VOPP1: variants seen among roughly 807,000 people sequenced by gnomAD.
VOPP1 encodes the protein VOPP1 WW domain binding protein.
Under a neutral mutation model 23.5 loss-of-function variants are expected in VOPP1, and 8 were observed. The ratio of observed to expected loss-of-function variants is 0.34; its 90% CI spans 0.20 to 0.61. VOPP1 has a LOEUF of 0.61. Ranked by LOEUF, VOPP1 falls within the 20% of genes least tolerant of loss-of-function variation. VOPP1 has a pLI of 0.78. For missense variants in VOPP1, 174 were observed against 238.1 expected (o/e 0.73, Z 1.77); for synonymous variants, 83 against 97.3 (o/e 0.85, Z 0.86).
intron 4 of VOPP1, among the ~76,000 whole-genome samples, chr7:55,452,104 A>G (rs1045942702): frequency 6.6e-6 from 1 of 152,210 alleles, no homozygotes; most frequent in African/African-American, 2.4e-5. Flanking sequence ...CCACTACTTT[A>G]CCAACTAAGT....
chr7:55,485,340 A>G (rs1286291835), intron 4 of VOPP1, among the ~76,000 whole-genome samples: 1 of 152,222 alleles, frequency 6.6e-6, no homozygotes, highest in Admixed American at 6.5e-5. Flanking sequence ...ACATCCTTCA[A>G]AAGTATTTTC....
intron 1 of VOPP1, among the ~76,000 whole-genome samples, chr7:55,562,909 C>G (rs1798035849): frequency 6.6e-6 from 1 of 152,188 alleles, no homozygotes. Context: ...GAAAGATGAC[C>G]TAATTGTAGA....
At chr7:55,567,470 A>G (rs757728023) in intron 1 of VOPP1, among the ~76,000 whole-genome samples, 4 of 152,226 alleles carry the variant, frequency 2.6e-5, no homozygotes, top group Non-Finnish European at 5.9e-5. Context: ...TGATAGAGTG[A>G]GTTCTAGGAA....
chr7:55,435,397 G>C (rs955023255), downstream of VOPP1, among the ~76,000 whole-genome samples: 7 of 152,186 alleles, frequency 4.6e-5, no homozygotes, highest in African/African-American at 1.7e-4. Context: ...TGGATCAGGA[G>C]GTGCCGTCGC....
At chr7:55,537,506 C>G (rs1458643602) in intron 1 of VOPP1, 1 of 1,536,170 alleles carries the variant, frequency 6.5e-7, no homozygotes, top group Admixed American at 2.0e-5. Context: ...AGCACCTGAG[C>G]ATGTGAGCCC....
intron 1 of VOPP1, among the ~76,000 whole-genome samples, chr7:55,571,400 A>G (rs1798349038): frequency 6.6e-6 from 1 of 152,230 alleles, no homozygotes; most frequent in Non-Finnish European, 1.5e-5. Flanking sequence ...TTCATTACCT[A>G]TTTCTTTTGA....
chr7:55,556,534 C>T (rs1196033234), intron 1 of VOPP1, among the ~76,000 whole-genome samples: 1 of 152,088 alleles, frequency 6.6e-6, no homozygotes, highest in Admixed American at 6.5e-5. Flanking sequence ...CATGATGGAA[C>T]CTCAAAGAGA....
At chr7:55,567,910 A>G (rs575424511) in intron 1 of VOPP1, among the ~76,000 whole-genome samples, 1 of 152,320 alleles carries the variant, frequency 6.6e-6, no homozygotes, top group Non-Finnish European at 1.5e-5. Flanking sequence ...AGGGCACAAA[A>G]GACATTTGGC....
chr7:55,472,839 G>A lies in VOPP1; in HGVS notation c.*16C>T, dbSNP rs763298951. ...AAGGCCCTCTCCTGTCTCTCCTCTTGCACGTGGGCACCCCACTACTTGGCC... is the reference window on the plus strand; with the variant it reads ...AAGGCCCTCTCCTGTCTCTCCTCTTACACGTGGGCACCCCACTACTTGGCC... On this transcript the variant is annotated 3_prime_UTR_variant, in exon 5 of 5. Coordinates refer to ENST00000285279, the MANE Select transcript of VOPP1 (RefSeq NM_030796.5). 167 of 1,093,480 alleles carry A rather than the reference G, an allele frequency of 1.5e-4. No homozygotes were observed. Among genetic ancestry groups the A allele is most frequent in the Admixed American group, 2.1e-4 (5 of 24,096 alleles). 67.7% of individuals were successfully genotyped at this position (1,093,480 alleles called of 1,614,324 possible). A position where few individuals can be genotyped will look rare whatever the true frequency, so the allele number is the denominator to read the frequency against.
At chr7:55,488,219 C>T (rs1793289869) in intron 4 of VOPP1, among the ~76,000 whole-genome samples, 1 of 152,174 alleles carries the variant, frequency 6.6e-6, no homozygotes, top group African/African-American at 2.4e-5. Context: ...TTTCTGCACA[C>T]CGTTTCATTT....
At chr7:55,516,919 TATATATATA>T (rs1795456852) in intron 2 of VOPP1, among the ~76,000 whole-genome samples, 1 of 35,782 alleles carries the variant, frequency 2.8e-5, no homozygotes, top group Non-Finnish European at 5.3e-5. Flanking sequence ...TATATATATA[TATATATATA>T]TATATTTTTT....
rs144298853 is a variant in VOPP1 at position 55,517,257 on chromosome 7, G to GC, written c.113+3814_113+3815insG. Among the ~76,000 whole-genome samples the GC allele has an allele frequency of 5.2e-3, 777 of 150,606 alleles. 9 individuals carry two copies. The highest frequency in any genetic ancestry group is 0.018 in the African/African-American group (746 of 40,994). On this transcript the variant is annotated intron_variant, in intron 2 of 4. Coordinates refer to ENST00000285279, the MANE Select transcript of VOPP1 (RefSeq NM_030796.5). ...AGCAACCGTGCCCGGCCTAATTTAA[G>GC]TTTTTTTTTAATGTGATGTTGAAGA...
At chr7:55,497,014 G>T (rs1793999129) in intron 3 of VOPP1, among the ~76,000 whole-genome samples, 1 of 152,192 alleles carries the variant, frequency 6.6e-6, no homozygotes, top group African/African-American at 2.4e-5. Context: ...GATGCTCGGG[G>T]CACTCCAGCA....
intron 1 of VOPP1, among the ~76,000 whole-genome samples, 172 bp from the exon 2 acceptor site, chr7:55,521,302 T>G (rs1363976811): frequency 6.6e-6 from 1 of 152,186 alleles, no homozygotes; most frequent in African/African-American, 2.4e-5. Flanking sequence ...CTCATGACTT[T>G]CTATTTCTTT....
chr7:55,531,821 C>T (rs2129046871), intron 1 of VOPP1, among the ~76,000 whole-genome samples: 1 of 152,226 alleles, frequency 6.6e-6, no homozygotes, highest in Non-Finnish European at 1.5e-5. Flanking sequence ...TACTATGCCC[C>T]CAAAATGAAA....
At chr7:55,439,421 C>T in intron 4 of VOPP1, among the ~76,000 whole-genome samples, 1 of 152,118 alleles carries the variant, frequency 6.6e-6, no homozygotes. Context: ...ACAGGCAGCA[C>T]TTGACAGGAG....
intron 1 of VOPP1, 25 bp from the exon 2 acceptor site, chr7:55,521,155 T>A (rs370765826): frequency 7.3e-5 from 114 of 1,560,472 alleles, no homozygotes; most frequent in Non-Finnish European, 9.9e-5. Context: ...AAGAAAAAGT[T>A]TGTCAGTACT....
intron 4 of VOPP1, among the ~76,000 whole-genome samples, chr7:55,437,277 G>C (rs555388012): frequency 6.6e-6 from 1 of 152,330 alleles, no homozygotes; most frequent in Non-Finnish European, 1.5e-5. Flanking sequence ...GCTGTAAGGA[G>C]GGCTGGGAGC....
intron 4 of VOPP1, among the ~76,000 whole-genome samples, chr7:55,477,297 C>G (rs945556231): frequency 6.6e-6 from 1 of 152,224 alleles, no homozygotes; most frequent in Admixed American, 6.5e-5. Flanking sequence ...TCCCTGAGAG[C>G]CCAGAACGGC....
Sources: gnomAD v4.1 joint callset for allele counts (sites outside exome capture counted in the v4.1 genomes callset) on GRCh38, gnomAD v4.1.1 for gene constraint, MANE v1.5 for transcripts, NCBI Gene and HGNC (gene_info 2026-07-23, HGNC 2026-07-21) for gene names.